The following LRMDA variants were observed in gnomAD, a reference collection of about 807,000 sequenced individuals.
The protein encoded by LRMDA is leucine rich melanocyte differentiation associated, also known as leucine-rich melanocyte differentiation-associated protein.
LRMDA carries 18 observed loss-of-function variants against 29.8 expected under a neutral mutation model. That is an observed-to-expected ratio of 0.60 (90% CI 0.42 to 0.90). The LOEUF (loss-of-function observed/expected upper bound fraction) is 0.90. Ranked by LOEUF, LRMDA falls within the 40% of genes least tolerant of loss-of-function variation. The pLI is 0.00. For missense variants in LRMDA, 273 were observed against 273.9 expected, an observed-to-expected ratio of 1.00 and a Z score of 0.02; for synonymous variants, 125 against 109.4, an observed-to-expected ratio of 1.14 and a Z score of -0.89.
chr10:76,205,121 C>A (rs138676387), intron 5 of LRMDA, among the ~76,000 whole-genome samples: 2 of 152,094 alleles, frequency 1.3e-5, no homozygotes, highest in Non-Finnish European at 2.9e-5. Context: ...GTCCCAAGAG[C>A]GCACTTAAAA....
intron 6 of LRMDA, among the ~76,000 whole-genome samples, chr10:76,446,986 G>C (rs564614242): frequency 6.6e-6 from 1 of 151,844 alleles, no homozygotes; most frequent in Non-Finnish European, 1.5e-5. Flanking sequence ...CAGTAGTCCT[G>C]CTGTGGCCTA....
chr10:76,352,814 CAG>C (rs1841193562), intron 6 of LRMDA, among the ~76,000 whole-genome samples: 1 of 151,960 alleles, frequency 6.6e-6, no homozygotes, highest in Non-Finnish European at 1.5e-5. Context: ...TGGATGGAAT[CAG>C]GGACAGGGGA....
chr10:76,058,009 AG>A (rs1410060504), intron 4 of LRMDA, among the ~76,000 whole-genome samples: 1 of 152,248 alleles, frequency 6.6e-6, no homozygotes, highest in Admixed American at 6.5e-5. Flanking sequence ...GAATTCTTCC[AG>A]GGAAATGGAG....
At chr10:76,543,474 A>G (rs918773176) in intron 6 of LRMDA, among the ~76,000 whole-genome samples, 11 of 151,814 alleles carry the variant, frequency 7.2e-5, no homozygotes, top group African/African-American at 2.4e-4. Context: ...AGCCATCATC[A>G]TTTTTTCTGA....
intron 5 of LRMDA, among the ~76,000 whole-genome samples, chr10:76,196,992 TG>T (rs1449873873): frequency 4.6e-5 from 7 of 152,344 alleles, no homozygotes; most frequent in African/African-American, 1.7e-4. Flanking sequence ...TCCAGTCAGC[TG>T]TAACATCACG....
intron 5 of LRMDA, among the ~76,000 whole-genome samples, chr10:76,308,325 G>A (rs1001167551): frequency 6.6e-6 from 1 of 152,190 alleles, no homozygotes; most frequent in Non-Finnish European, 1.5e-5. Context: ...ATGAGAATTT[G>A]TCATAGCAGC....
At chr10:75,839,016 T>C (rs1192148199) in intron 2 of LRMDA, among the ~76,000 whole-genome samples, 1 of 152,106 alleles carries the variant, frequency 6.6e-6, no homozygotes, top group Non-Finnish European at 1.5e-5. Context: ...TCTGAAGGAT[T>C]TGGGGGAGTC....
chr10:75,906,442 A>G (rs1230492288), intron 2 of LRMDA, among the ~76,000 whole-genome samples: 1 of 152,170 alleles, frequency 6.6e-6, no homozygotes, highest in African/African-American at 2.4e-5. Flanking sequence ...ACAGCCAATT[A>G]GAGGTCTAAC....
In LRMDA at chr10:75,917,961, GCACACA is replaced by G. The variant is rs10552979; in HGVS notation, c.132-118028_132-118023del. Among the ~76,000 whole-genome samples the G allele has an allele frequency of 8.5e-3, 1,278 of 150,030 alleles. 17 individuals carry two copies. Among genetic ancestry groups the G allele is most frequent in the African/African-American group, 0.029 (1,177 of 40,990 alleles). On this transcript the variant is annotated intron_variant, in intron 2 of 6. Transcript: ENST00000611255. ...TGCACACCCACACATGCACATGTGC[GCACACA>G]CACACACACACACACACAGGCCTGG...
intron 5 of LRMDA, among the ~76,000 whole-genome samples, chr10:76,099,504 G>A (rs1589326291): frequency 6.9e-6 from 1 of 144,076 alleles, no homozygotes; most frequent in African/African-American, 2.6e-5. Context: ...TAGAAACCTA[G>A]ATTCTTGATA....
chr10:76,240,824 A>AT (rs1194810274), intron 5 of LRMDA, among the ~76,000 whole-genome samples: 2 of 22,364 alleles, frequency 8.9e-5, no homozygotes, highest in African/African-American at 3.1e-4. Flanking sequence ...ATGTATATAT[A>AT]TACACATACA....
chr10:76,263,956 C>T (rs1374621590), intron 5 of LRMDA, among the ~76,000 whole-genome samples: 5 of 152,132 alleles, frequency 3.3e-5, no homozygotes, highest in South Asian at 2.1e-4. Flanking sequence ...ATAACTCATT[C>T]GTAGGTAATC....
chr10:76,197,480 G>C (rs1851349975), intron 5 of LRMDA, among the ~76,000 whole-genome samples: 1 of 152,210 alleles, frequency 6.6e-6, no homozygotes, highest in Non-Finnish European at 1.5e-5. Context: ...CCTGGAGACA[G>C]TTGGCAATGT....
chr10:76,418,331 T>A (rs1040487625), intron 6 of LRMDA, among the ~76,000 whole-genome samples: 5 of 55,176 alleles, frequency 9.1e-5, no homozygotes, highest in African/African-American at 2.2e-4. Flanking sequence ...GTTTTTCTTG[T>A]GTGTGTGTGT....
At chr10:75,690,481 T>A (rs181667027) in intron 2 of LRMDA, among the ~76,000 whole-genome samples, 1 of 152,194 alleles carries the variant, frequency 6.6e-6, no homozygotes, top group East Asian at 1.9e-4. Context: ...ATTTTATATT[T>A]TTATTGTTAT....
intron 2 of LRMDA, among the ~76,000 whole-genome samples, chr10:75,766,483 C>T (rs548533559): frequency 6.6e-6 from 1 of 152,312 alleles, no homozygotes; most frequent in East Asian, 1.9e-4. Context: ...AATGGCTTTC[C>T]ACTGAGGTGG....
intron 2 of LRMDA, among the ~76,000 whole-genome samples, chr10:75,449,862 A>G (rs1844439952): frequency 6.6e-6 from 1 of 151,994 alleles, no homozygotes; most frequent in African/African-American, 2.4e-5. Flanking sequence ...GGACTGGGGG[A>G]CCTTGAGATG....
At chr10:76,422,892 C>T (rs1056209564) in intron 6 of LRMDA, among the ~76,000 whole-genome samples, 9 of 152,306 alleles carry the variant, frequency 5.9e-5, no homozygotes, top group Non-Finnish European at 7.3e-5. Context: ...TTTACTTCCT[C>T]ATGAAAAAAG....
intron 2 of LRMDA, among the ~76,000 whole-genome samples, chr10:75,796,968 G>A (rs1371035395): frequency 1.3e-5 from 2 of 152,154 alleles, no homozygotes; most frequent in East Asian, 3.8e-4. Context: ...AGGGATAAGG[G>A]TTATCTACTG....
Sources: allele counts gnomAD v4.1 joint callset (sites outside exome capture counted in the v4.1 genomes callset), GRCh38; gene constraint gnomAD v4.1.1; transcripts MANE v1.5; gene names NCBI Gene and HGNC (gene_info 2026-07-23, HGNC 2026-07-21).